The following GLIPR1 variants were observed in gnomAD, a reference collection of about 807,000 sequenced individuals.
GLIPR1 encodes glioma pathogenesis-related protein 1.
A neutral mutation model predicts 30.3 loss-of-function variants in GLIPR1; 38 were observed. The ratio of observed to expected loss-of-function variants is 1.26; its 90% CI spans 0.97 to 1.65. GLIPR1 has a LOEUF of 1.65. Among genes scored for constraint, GLIPR1 ranks in the 40% most tolerant of loss-of-function variants. The probability of loss-of-function intolerance (pLI) is 0.00; values close to 1 mark genes in which losing one functional copy is unlikely to be tolerated. For missense variants in GLIPR1, 285 were observed against 326.5 expected, an observed-to-expected ratio of 0.87 and a Z score of 0.98; for synonymous variants, 122 against 110.6, an observed-to-expected ratio of 1.10 and a Z score of -0.65.
Position 75,499,852 on chromosome 12 carries a change from AG to A in GLIPR1, c.*875del, listed in dbSNP as rs1566102389. 1 of 1,607,986 alleles carries A rather than the reference AG, an allele frequency of 6.2e-7. No homozygotes were observed. Among genetic ancestry groups the A allele is most frequent in the Admixed American group, 1.7e-5 (1 of 59,520 alleles). ...TTTCTTTTCATCTGCCTCCATCTTA[AG>A]TGCAATTTCTTCAGCTGTAAGAGCT... On this transcript the variant is annotated 3_prime_UTR_variant, in exon 6 of 6. Coordinates refer to ENST00000266659, the MANE Select transcript of GLIPR1 (RefSeq NM_006851.3).
chr12:75,482,323 A>G (rs1000012607), intron 2 of GLIPR1, among the ~76,000 whole-genome samples: 3 of 152,188 alleles, frequency 2.0e-5, no homozygotes, highest in African/African-American at 7.2e-5. Context: ...TGTAACAGCT[A>G]TTCTCCCATA....
intron 4 of GLIPR1, 133 bp downstream of exon 4, chr12:75,495,795 C>A: frequency 1.8e-6 from 1 of 570,402 alleles, no homozygotes; most frequent in South Asian, 2.5e-5. Context: ...GCAATTAAAC[C>A]AATGGCTTAC....
intron 2 of GLIPR1, chr12:75,484,136 T>C (rs559129728): frequency 7.2e-5 from 11 of 152,278 alleles, no homozygotes; most frequent in African/African-American, 2.6e-4. Context: ...CCCAGTCCCA[T>C]ACATACAGAT....
chr12:75,481,098 A>C (rs758896232), intron 1 of GLIPR1, 44 bp downstream of exon 1: 1 of 1,464,922 alleles, frequency 6.8e-7, no homozygotes, highest in Admixed American at 1.8e-5. Context: ...AGTCAGAAAC[A>C]ACTAATGTGT....
At chr12:75,495,514 T>C (rs1475843384) in intron 3 of GLIPR1, 63 bp from the exon 4 acceptor site, 4 of 813,134 alleles carry the variant, frequency 4.9e-6, no homozygotes, top group African/African-American at 3.4e-5. Flanking sequence ...TAAGGATTCA[T>C]AGTAAATTGC....
chr12:75,497,799 G>A (rs1163618069), intron 4 of GLIPR1: 2 of 152,148 alleles, frequency 1.3e-5, no homozygotes, highest in African/African-American at 2.4e-5. Flanking sequence ...TTTACAAAAT[G>A]TGCTGGGCAT....
chr12:75,483,333 G>A (rs999123424), intron 2 of GLIPR1: 2 of 152,174 alleles, frequency 1.3e-5, no homozygotes, highest in Non-Finnish European at 2.9e-5. Flanking sequence ...AGAAATAATT[G>A]TCAGTTTGAG....
At chr12:75,484,115 AT>A (rs2120499165) in intron 2 of GLIPR1, 1 of 152,276 alleles carries the variant, frequency 6.6e-6, no homozygotes, top group African/African-American at 2.4e-5. Flanking sequence ...GAGAAAATTC[AT>A]TTTCTAAAAC....
rs950979421 is a variant in GLIPR1, at chr12:75,501,473, A to G, written c.*2495A>G. 2.6e-6 allele frequency: 1 copy of G among 385,574 alleles called. No individual in the cohort carries two copies. Among genetic ancestry groups the G allele is most frequent in the African/African-American group, 2.1e-5 (1 of 47,198 alleles). The allele number at this position is 385,574 out of a possible 1,614,324, so 23.9% of individuals were successfully genotyped here. A position where few individuals can be genotyped will look rare whatever the true frequency, so the allele number is the denominator to read the frequency against. ...GCCCTGGGTTTGTATCTTTCACAAC[A>G]AAGAGTCTTTTCCAAGCACAGACCA... is the stretch of plus-strand genomic sequence containing the variant. On this transcript the variant is annotated 3_prime_UTR_variant, in exon 6 of 6. Transcript: ENST00000266659.
intron 5 of GLIPR1, 24 bp from the exon 6 acceptor site, chr12:75,498,800 G>C (rs777563404): frequency 4.3e-6 from 7 of 1,611,672 alleles, no homozygotes; most frequent in Non-Finnish European, 5.9e-6. Context: ...ATGTCTAAGA[G>C]GATATTCTAT....
intron 2 of GLIPR1, chr12:75,487,915 T>C (rs988565662): frequency 5.8e-6 from 2 of 343,646 alleles, no homozygotes; most frequent in Non-Finnish European, 1.2e-5. Context: ...CCCATTTTTA[T>C]GGTTATTTCT....
chr12:75,494,330 T>C (rs1161214262), intron 3 of GLIPR1: 1 of 152,228 alleles, frequency 6.6e-6, no homozygotes, highest in African/African-American at 2.4e-5. Context: ...CCTTTCATTA[T>C]GAATGAAGAC....
intron 3 of GLIPR1, chr12:75,493,449 CTCCTCT>C (rs1310405541): frequency 6.6e-6 from 1 of 152,144 alleles, no homozygotes; most frequent in Non-Finnish European, 1.5e-5. Flanking sequence ...CTGTAATACT[CTCCTCT>C]TCATTTCCCC....
rs2046400519 is a variant in GLIPR1, at chr12:75,502,441, T to C, written c.*3463T>C. 6.5e-6 allele frequency: 1 copy of C among 154,234 alleles called. No homozygotes were observed. Among genetic ancestry groups the C allele is most frequent in the Non-Finnish European group, 1.4e-5 (1 of 69,434 alleles). 9.6% of individuals were successfully genotyped at this position (154,234 alleles called of 1,614,324 possible). A position where few individuals can be genotyped will look rare whatever the true frequency, so the allele number is the denominator to read the frequency against. ...AGAGCCTGGAATAAAGGTAGTGGCA[T>C]GCAGAATAAAAGCCAGAACTATCAG... is the stretch of plus-strand genomic sequence containing the variant. On this transcript the variant is annotated 3_prime_UTR_variant, in exon 6 of 6. Transcript: ENST00000266659.
rs1475447838 is a variant in GLIPR1 at position 75,502,200 on chromosome 12, T to C, written c.*3222T>C. ...GTGTGGAGGTAGGAAAGCACCTCCA[T>C]GGAATACAACCCAGAGTAGTTCAGG... On this transcript the variant is annotated 3_prime_UTR_variant, in exon 6 of 6. Coordinates refer to ENST00000266659, the MANE Select transcript of GLIPR1 (RefSeq NM_006851.3). The C allele has an allele frequency of 1.9e-6, 1 of 539,190 alleles. No individual in the cohort carries two copies. Among genetic ancestry groups the C allele is most frequent in the Non-Finnish European group, 3.3e-6 (1 of 303,302 alleles). The allele number at this position is 539,190 out of a possible 1,614,324, so 33.4% of individuals were successfully genotyped here. A position where few individuals can be genotyped will look rare whatever the true frequency, so the allele number is the denominator to read the frequency against.
At chr12:75,482,238 G>A (rs549479898) in intron 2 of GLIPR1, among the ~76,000 whole-genome samples, 159 bp downstream of exon 2, 44 of 152,294 alleles carry the variant, frequency 2.9e-4, no homozygotes, top group African/African-American at 1.1e-3. Context: ...TGCTTGAAAA[G>A]TTTAGTTGTG....
chr12:75,498,983 A>AT lies in GLIPR1; in HGVS notation c.*7dup, dbSNP rs781052560. On this transcript the variant is annotated 3_prime_UTR_variant, in exon 6 of 6. Coordinates refer to ENST00000266659, the MANE Select transcript of GLIPR1 (RefSeq NM_006851.3). ...AATTTAGTTCTTTTGGACTAATACA[A>AT]TTCAGGAAAGAAAAAACCCAAAAAC... The AT allele has an allele frequency of 2.6e-6, 4 of 1,545,630 alleles. No homozygotes were observed. The highest frequency in any genetic ancestry group is 2.2e-5 in the Admixed American group (1 of 46,166).
intron 2 of GLIPR1, chr12:75,484,629 G>A (rs1204557179): frequency 1.3e-5 from 2 of 152,176 alleles, no homozygotes; most frequent in Non-Finnish European, 2.9e-5. Flanking sequence ...GGGTGGAGCT[G>A]TTTTATAGGA....
At position 75,501,514 on chromosome 12, in the gene GLIPR1, C is replaced by T; in HGVS notation, c.*2536C>T. 5.7e-6 allele frequency: 3 copies of T among 525,070 alleles called. No individual in the cohort carries two copies. Among genetic ancestry groups the T allele is most frequent in the Non-Finnish European group, 3.4e-6 (1 of 295,748 alleles). The allele number at this position is 525,070 out of a possible 1,614,324, so 32.5% of individuals were successfully genotyped here. A position where few individuals can be genotyped will look rare whatever the true frequency, so the allele number is the denominator to read the frequency against. On this transcript the variant is annotated 3_prime_UTR_variant, in exon 6 of 6. Coordinates refer to ENST00000266659, the MANE Select transcript of GLIPR1 (RefSeq NM_006851.3). ...GCACAGACCAGAGGTCAGGAGAGGA[C>T]TGTCAATCCAGTTTGCACTGAAATA...
Sources: allele counts gnomAD v4.1 joint callset (sites outside exome capture counted in the v4.1 genomes callset), GRCh38; gene constraint gnomAD v4.1.1; transcripts MANE v1.5; gene names NCBI Gene and HGNC (gene_info 2026-07-23, HGNC 2026-07-21).